PRKN: variants seen among roughly 807,000 people sequenced by gnomAD.
The protein encoded by PRKN is E3 ubiquitin-protein ligase parkin.
A neutral mutation model predicts 59.5 loss-of-function variants in PRKN; 56 were observed. The observed-to-expected ratio is 0.94, with a 90% CI of 0.76 to 1.18. PRKN has a LOEUF of 1.18. PRKN is among the 50% of genes most tolerant of loss of function. PRKN has a pLI of 0.00. For missense variants in PRKN, 657 were observed against 596.4 expected (o/e 1.10, Z -1.06); for synonymous variants, 250 against 222.1 (o/e 1.13, Z -1.12).
rs201760977 is a variant in PRKN, at chr6:162,443,496, A to G, written c.8-23T>C. The G allele has an allele frequency of 1.2e-4, 187 of 1,612,740 alleles. No homozygotes were observed. In the East Asian group the frequency reaches 3.6e-3, roughly 31 times the overall value. ...ACACTGACCAAGGAAATTGGAAGGG[A>G]GAAGAGAAAGTGAGCATCACTCGAA... On this transcript the variant is annotated intron_variant, in intron 1 of 11. Coordinates refer to ENST00000366898, the MANE Select transcript of PRKN (RefSeq NM_004562.3).
rs553392065 is a variant in PRKN at position 162,281,198 on chromosome 6, T to G, written c.172-18433A>C. On this transcript the variant is annotated intron_variant, in intron 2 of 11. Transcript: ENST00000366898. ...ACCAAACCCCGCATGTTCTCACTCA[T>G]AGGTGGGAATTGAACAATGAGAACA... Among the ~76,000 whole-genome samples, 12 of 151,412 alleles carry G rather than the reference T, an allele frequency of 7.9e-5. No homozygotes were observed. The East Asian group carries it at 1.4e-3, about 17-fold the overall frequency.
At chr6:162,716,738 T>C (rs1445785471) in intron 1 of PRKN, among the ~76,000 whole-genome samples, 2 of 151,040 alleles carry the variant, frequency 1.3e-5, no homozygotes, top group Non-Finnish European at 2.9e-5. Context: ...CATCAACTAG[T>C]CCATACACCC....
chr6:162,714,272 G>T (rs1017505172), intron 1 of PRKN, among the ~76,000 whole-genome samples: 1 of 152,086 alleles, frequency 6.6e-6, no homozygotes, highest in Admixed American at 6.6e-5. Context: ...TAACACAAAA[G>T]AACATCTTTA....
chr6:162,410,879 A>G lies in PRKN; in HGVS notation c.171+32431T>C, dbSNP rs916845978. Among the ~76,000 whole-genome samples, 10 of 152,164 alleles carry G rather than the reference A, an allele frequency of 6.6e-5. 1 individual carries two copies. The highest frequency in any genetic ancestry group is 6.5e-4 in the Admixed American group (10 of 15,278). Reference sequence around the variant, plus strand: ...GGCTCATGAGGATGAGGACTGTGACAGGGAAGAAGGAGGTGACAGGGAAAG... The same window carrying G: ...GGCTCATGAGGATGAGGACTGTGACGGGGAAGAAGGAGGTGACAGGGAAAG... On this transcript the variant is annotated intron_variant, in intron 2 of 11. Coordinates refer to ENST00000366898, the MANE Select transcript of PRKN (RefSeq NM_004562.3).
chr6:162,103,185 C>T (rs1008147924), intron 4 of PRKN, among the ~76,000 whole-genome samples: 8 of 151,218 alleles, frequency 5.3e-5, no homozygotes, highest in Non-Finnish European at 8.8e-5. Context: ...ATTCCAATTC[C>T]TTCATGTTTA....
At chr6:162,520,207 A>C (rs563746848) in intron 1 of PRKN, among the ~76,000 whole-genome samples, 5 of 150,374 alleles carry the variant, frequency 3.3e-5, no homozygotes, top group South Asian at 2.1e-4. Flanking sequence ...GACATTTCTA[A>C]GACATCTACA....
intron 6 of PRKN, among the ~76,000 whole-genome samples, chr6:161,924,789 C>T (rs1193190410): frequency 6.6e-6 from 1 of 152,202 alleles, no homozygotes; most frequent in East Asian, 1.9e-4. Context: ...CTCACCATCT[C>T]CACAGCATTA....
intron 1 of PRKN, among the ~76,000 whole-genome samples, chr6:162,495,262 T>C (rs1793005653): frequency 6.6e-6 from 1 of 152,218 alleles, no homozygotes; most frequent in African/African-American, 2.4e-5. Context: ...ATACATATCG[T>C]GTTCCAAAAA....
chr6:162,231,354 T>C (rs963342544), intron 3 of PRKN, among the ~76,000 whole-genome samples: 1 of 152,222 alleles, frequency 6.6e-6, no homozygotes. Context: ...TAATTACAAA[T>C]TGATTTCAGA....
chr6:162,039,865 A>C (rs1263872148), intron 5 of PRKN, among the ~76,000 whole-genome samples: 1 of 152,212 alleles, frequency 6.6e-6, no homozygotes, highest in Non-Finnish European at 1.5e-5. Flanking sequence ...GCATGATCAC[A>C]GAGAACACTG....
intron 1 of PRKN, among the ~76,000 whole-genome samples, chr6:162,521,702 GTAT>G (rs755088028): frequency 5.3e-5 from 8 of 151,928 alleles, no homozygotes; most frequent in Non-Finnish European, 8.8e-5. Flanking sequence ...TATAATGTAT[GTAT>G]TATATGTATT....
chr6:162,667,302 T>C (rs1421402888), intron 1 of PRKN, among the ~76,000 whole-genome samples: 1 of 152,098 alleles, frequency 6.6e-6, no homozygotes, highest in South Asian at 2.1e-4. Flanking sequence ...CAGAAGATTT[T>C]TTACAATTTT....
chr6:161,379,434 C>A lies in PRKN; in HGVS notation c.1167+7360G>T, dbSNP rs144465177. Among the ~76,000 whole-genome samples, 2 of 152,316 alleles carry A rather than the reference C, an allele frequency of 1.3e-5. No individual in the cohort carries two copies. Among genetic ancestry groups the A allele is most frequent in the Non-Finnish European group, 2.9e-5 (2 of 68,030 alleles). On this transcript the variant is annotated intron_variant, in intron 10 of 11. Coordinates refer to ENST00000366898, the MANE Select transcript of PRKN (RefSeq NM_004562.3). This position sits in a 1 kb window ranked among gnomAD's most constrained non-coding sequence, Gnocchi z 4.9. ...CCTTCCATTTGTACATTTCTCCAGT[C>A]TCTCTCATTCCACAAGCAAATGTCT...
chr6:161,899,990 A>G (rs1002560237), intron 6 of PRKN, among the ~76,000 whole-genome samples: 1 of 151,926 alleles, frequency 6.6e-6, no homozygotes, highest in Non-Finnish European at 1.5e-5. Context: ...GGCGTCTGTA[A>G]TCCCAGCTAC....
rs202002846 is a variant in PRKN at position 162,556,342 on chromosome 6, G to GGTGTGTGTGTGTGT, written c.8-112883_8-112870dup. ...GAAACCAAGCAGTAACTACTCAGCT[G>GGTGTGTGTGTGTGT]GTGTGTGTGTGTGTGTGTGTGTGTG... On this transcript the variant is annotated intron_variant, in intron 1 of 11. Transcript: ENST00000366898. Among the ~76,000 whole-genome samples, 53 of 57,274 alleles carry GGTGTGTGTGTGTGT rather than the reference G, an allele frequency of 9.3e-4. 2 individuals are homozygous for GGTGTGTGTGTGTGT. Among genetic ancestry groups the GGTGTGTGTGTGTGT allele is most frequent in the East Asian group, 7.5e-3 (10 of 1,328 alleles). The allele number at this position is 57,274 out of a possible 152,430, so 37.6% of individuals were successfully genotyped here. A position where few individuals can be genotyped will look rare whatever the true frequency, so the allele number is the denominator to read the frequency against.
chr6:161,865,602 C>T (rs542507526), intron 6 of PRKN, among the ~76,000 whole-genome samples: 8 of 152,294 alleles, frequency 5.3e-5, no homozygotes, highest in African/African-American at 1.2e-4. Context: ...ACGATGTAGA[C>T]GGCTTCTTTC....
chr6:162,442,007 T>C (rs1219109054), intron 2 of PRKN, among the ~76,000 whole-genome samples: 1 of 115,194 alleles, frequency 8.7e-6, no homozygotes, highest in African/African-American at 3.6e-5. Flanking sequence ...TTGACTGAAA[T>C]AGAAAAAAAA....
intron 6 of PRKN, among the ~76,000 whole-genome samples, chr6:161,914,816 T>A (rs927456598): frequency 1.3e-5 from 2 of 151,864 alleles, no homozygotes; most frequent in African/African-American, 4.8e-5. Flanking sequence ...ACAGGCTCCA[T>A]TAACAAGCAG....
rs1337231510 is a variant in PRKN, at chr6:161,680,762, TATA to T, written c.871+105007_871+105009del. ...ATATATATATATATATATATATATA[TATA>T]TATATATATATTTTTTTTTTTTTTT... On this transcript the variant is annotated intron_variant, in intron 7 of 11. Coordinates refer to ENST00000366898, the MANE Select transcript of PRKN (RefSeq NM_004562.3). Among the ~76,000 whole-genome samples, 11 of 18,220 alleles carry T rather than the reference TATA, an allele frequency of 6.0e-4. 1 individual carries two copies. The highest frequency in any genetic ancestry group is 1.7e-3 in the African/African-American group (9 of 5,380). The allele number at this position is 18,220 out of a possible 152,430, so 12.0% of individuals were successfully genotyped here.
Sources: gnomAD v4.1 joint callset for allele counts (sites outside exome capture counted in the v4.1 genomes callset) on GRCh38, gnomAD v4.1.1 for gene constraint, Gnocchi (gnomAD v3.1) non-coding constraint, MANE v1.5 for transcripts, NCBI Gene and HGNC (gene_info 2026-07-23, HGNC 2026-07-21) for gene names.